Variants in TTC7A observed in about 807,000 individuals in gnomAD.
TTC7A encodes tetratricopeptide repeat protein 7A.
TTC7A carries 110 observed loss-of-function variants against 103.7 expected under a neutral mutation model. The observed-to-expected ratio is 1.06, with a 90% CI of 0.91 to 1.24. The LOEUF is 1.24. Ranked by LOEUF, TTC7A falls within the 50% of genes most tolerant of loss-of-function variation. TTC7A has a pLI of 0.00. For missense variants in TTC7A, 1,340 were observed against 1,116.3 expected (o/e 1.20, Z -2.86); for synonymous variants, 521 against 467.9 (o/e 1.11, Z -1.47).
At chr2:47,062,104 A>G (rs1384570090) in intron 19 of TTC7A, among the ~76,000 whole-genome samples, 7 of 152,242 alleles carry the variant, frequency 4.6e-5, no homozygotes, top group South Asian at 2.1e-4. Flanking sequence ...GAGAAGCTAC[A>G]GGGAGTTAGA....
chr2:46,994,459 G>A lies in TTC7A; in HGVS notation c.946G>A (p.Glu316Lys). ...TCTGCCTGAGTTCATGGGCAAGGAG[G>A]AGAGTTCTTTCGCCACTCAGGCCCT... Reference protein sequence around the residue: ...HPLPEFMGKEESSFATQALRK... With the variant: ...HPLPEFMGKEKSSFATQALRK... Residue 316 changes from glutamate to lysine, a missense_variant, in exon 7 of 20, where the codon GAG (glutamate) becomes AAG (lysine). Glu to Lys is a moderately conservative substitution (Grantham distance 56). Coordinates refer to ENST00000319190, the MANE Select transcript of TTC7A (RefSeq NM_020458.4). 6.2e-7 allele frequency: 1 copy of A among 1,614,090 alleles called. No individual in the cohort carries two copies. The highest frequency in any genetic ancestry group is 8.5e-7 in the Non-Finnish European group (1 of 1,179,986).
chr2:47,057,128 G>A (rs540229873), intron 18 of TTC7A, among the ~76,000 whole-genome samples: 5 of 152,328 alleles, frequency 3.3e-5, no homozygotes, highest in Middle Eastern at 6.8e-3. Context: ...AGCAGGAGCC[G>A]AAGGCATCTG....
intron 1 of TTC7A, among the ~76,000 whole-genome samples, chr2:46,946,311 C>T (rs1172524099): frequency 6.6e-6 from 1 of 152,190 alleles, no homozygotes; most frequent in Admixed American, 6.5e-5. Flanking sequence ...AGCATTTCAC[C>T]AGAACTGGGA....
At position 47,073,713 on chromosome 2, in the gene TTC7A, G is replaced by A; in HGVS notation, c.2367G>A (p.Leu789=). The change falls in exon 20 of 20, where the codon CTG becomes CTA. Residue 789 remains leucine (L), a synonymous_variant. Transcript: ENST00000319190. The part of the protein sequence containing the change: ...VRIMHSLGLM[L]SRLGHKSLAQ... ...TGCTTCGTCCACAGGGTCTGATGCT[G>A]AGTCGGCTGGGCCACAAGAGCTTGG... 1 of 1,613,822 alleles carries A rather than the reference G, an allele frequency of 6.2e-7. No individual in the cohort carries two copies. Among genetic ancestry groups the A allele is most frequent in the African/African-American group, 1.3e-5 (1 of 75,068 alleles).
exon 1 of TTC7A, chr2:46,916,324 C>T (rs958188706): frequency 3.2e-6 from 1 of 308,816 alleles, no homozygotes; most frequent in Non-Finnish European, 4.7e-6. Flanking sequence ...CTGCCAGCTC[C>T]ACTGCACAAG....
upstream of TTC7A, chr2:46,916,008 C>T (rs538061788): frequency 5.1e-6 from 5 of 985,470 alleles, no homozygotes; most frequent in African/African-American, 7.0e-5. Flanking sequence ...ACACTCGGCT[C>T]CACTCCAGTT....
chr2:46,954,170 ATTTCCTCATCCGTTC>A (rs1430538570), intron 2 of TTC7A, among the ~76,000 whole-genome samples: 2 of 152,188 alleles, frequency 1.3e-5, no homozygotes, highest in Non-Finnish European at 2.9e-5. Flanking sequence ...TCTGTGAAGT[ATTTCCTCATCCGTTC>A]TTTCCTCATA....
intron 3 of TTC7A, among the ~76,000 whole-genome samples, chr2:46,967,039 C>A (rs1448950720): frequency 6.6e-6 from 1 of 151,916 alleles, no homozygotes; most frequent in African/African-American, 2.4e-5. Flanking sequence ...ATGGCGAAAC[C>A]CCATCTCTAC....
intron 1 of TTC7A, 96 bp from the exon 2 acceptor site, chr2:46,950,267 G>T (rs941848411): frequency 1.5e-6 from 2 of 1,302,174 alleles, no homozygotes; most frequent in Admixed American, 2.0e-5. Context: ...TTCATGTACT[G>T]GGTATGGGTG....
intron 2 of TTC7A, among the ~76,000 whole-genome samples, chr2:46,952,781 A>G (rs1018278133): frequency 1.3e-5 from 2 of 151,942 alleles, no homozygotes; most frequent in African/African-American, 4.8e-5. Flanking sequence ...TTGTTTTCCA[A>G]CCTCACCCTC....
At position 47,027,966 on chromosome 2, in the gene TTC7A, C is replaced by T. The variant is rs146552544; in HGVS notation, c.1642-1258C>T. 1.7e-4 allele frequency among the ~76,000 whole-genome samples: 26 copies of T among 152,292 alleles called. No homozygotes were observed. The East Asian group carries it at 2.7e-3, about 16-fold the overall frequency. ...CATTCCCCAGACCCTGTCAGGAGTG[C>T]GCAGGCCAGGGCCCATGGGGTGGGG... On this transcript the variant is annotated intron_variant, in intron 14 of 19. Transcript: ENST00000319190.
At chr2:46,967,006 A>G (rs935502557) in intron 3 of TTC7A, among the ~76,000 whole-genome samples, 1 of 151,478 alleles carries the variant, frequency 6.6e-6, no homozygotes, top group Non-Finnish European at 1.5e-5. Flanking sequence ...TGAGGTCAGG[A>G]GTTCAAGACC....
Position 47,075,598 on chromosome 2 carries a change from C to G in TTC7A, c.*1675C>G, listed in dbSNP as rs1250434973. The stretch of plus-strand genomic sequence containing the variant: ...ATGTATATTCACTGGGCATGTAGCT[C>G]CCACACCAGCCTTGAGCCAGGCCCT... On this transcript the variant is annotated 3_prime_UTR_variant, in exon 20 of 20. Transcript: ENST00000319190. The G allele has an allele frequency of 6.6e-6, 1 of 152,200 alleles. No individual in the cohort carries two copies. The highest frequency in any genetic ancestry group is 1.5e-5 in the Non-Finnish European group (1 of 68,048). The allele number at this position is 152,200 out of a possible 1,614,324, so 9.4% of individuals were successfully genotyped here.
At chr2:47,048,190 A>G (rs1682519882) in intron 16 of TTC7A, among the ~76,000 whole-genome samples, 1 of 152,154 alleles carries the variant, frequency 6.6e-6, no homozygotes, top group South Asian at 2.1e-4. Flanking sequence ...AAAATGCTTC[A>G]TTCAACCCTC....
chr2:46,926,009 G>A (rs916634819), intron 2 of TTC7A, among the ~76,000 whole-genome samples: 3 of 152,166 alleles, frequency 2.0e-5, no homozygotes, highest in African/African-American at 4.8e-5. Flanking sequence ...GGGTTTGTCC[G>A]GTAATATCTG....
chr2:46,995,003 C>T (rs770789389), intron 7 of TTC7A, 133 bp from the exon 8 acceptor site: 1 of 780,790 alleles, frequency 1.3e-6, no homozygotes, highest in African/African-American at 1.7e-5. Flanking sequence ...TATCCGGTGC[C>T]CATGAATTAT....
At chr2:47,029,427 G>A (rs369614132) in intron 15 of TTC7A, 43 bp downstream of exon 15, 42 of 1,608,376 alleles carry the variant, frequency 2.6e-5, no homozygotes, top group Admixed American at 6.7e-5. Flanking sequence ...GAGCTGGCTG[G>A]CCTCTGCAGC....
At chr2:46,973,948 C>A (rs1020240178) in intron 3 of TTC7A, among the ~76,000 whole-genome samples, 1 of 152,166 alleles carries the variant, frequency 6.6e-6, no homozygotes, top group South Asian at 2.1e-4. Context: ...TGAGAAATCC[C>A]CTTAACATTC....
chr2:46,935,060 A>G (rs1405237161), intron 2 of TTC7A, among the ~76,000 whole-genome samples: 3 of 151,906 alleles, frequency 2.0e-5, no homozygotes, highest in Non-Finnish European at 4.4e-5. Context: ...CGGCCTCCCA[A>G]AGTGTGGGGA....
Sources: gnomAD v4.1 joint callset for allele counts (sites outside exome capture counted in the v4.1 genomes callset) on GRCh38, gnomAD v4.1.1 for gene constraint, MANE v1.5 for transcripts, NCBI Gene and HGNC (gene_info 2026-07-23, HGNC 2026-07-21) for gene names.